CUL4A: variants seen among roughly 807,000 people sequenced by gnomAD.
The protein encoded by CUL4A is cullin 4A.
CUL4A carries 16 observed loss-of-function variants against 95.5 expected under a neutral mutation model. The ratio of observed to expected loss-of-function variants is 0.17; its 90% CI spans 0.11 to 0.25. The LOEUF is 0.25. Among genes scored for constraint, CUL4A ranks in the 10% least tolerant of loss-of-function variants. The probability of loss-of-function intolerance (pLI) is 1.00; values close to 1 mark genes in which losing one functional copy is unlikely to be tolerated. For missense variants in CUL4A, 610 were observed against 937.0 expected, an observed-to-expected ratio of 0.65 and a Z score of 4.56; for synonymous variants, 380 against 353.1, an observed-to-expected ratio of 1.08 and a Z score of -0.85.
At position 113,260,211 on chromosome 13, in the gene CUL4A, A is replaced by AAAAAAAAAAAAAACAAAAC. The variant is rs1197388632; in HGVS notation, c.2032-388_2032-387insAAAAACAAAACAAAAAAAA. On this transcript the variant is annotated intron_variant, in intron 18 of 19. Coordinates refer to ENST00000375440, the MANE Select transcript of CUL4A (RefSeq NM_001008895.4). ...AGAGTGAGACTCCGTCTCAAAAAAAAAAAAAAAACCATTTCCCATCAAATT... is the reference window on the plus strand; with the variant it reads ...AGAGTGAGACTCCGTCTCAAAAAAAAAAAAAAAAAAAAACAAAACAAAAAAAACCATTTCCCATCAAATT... Among the ~76,000 whole-genome samples the AAAAAAAAAAAAAACAAAAC allele has an allele frequency of 3.3e-3, 400 of 119,520 alleles. 35 individuals are homozygous for AAAAAAAAAAAAAACAAAAC. The highest frequency in any genetic ancestry group is 0.014 in the African/African-American group (394 of 27,708). The allele number at this position is 119,520 out of a possible 152,430, so 78.4% of individuals were successfully genotyped here.
chr13:113,258,617 C>T (rs2042193595), intron 18 of CUL4A, among the ~76,000 whole-genome samples: 1 of 152,188 alleles, frequency 6.6e-6, no homozygotes, highest in South Asian at 2.1e-4. Flanking sequence ...CTGTGAAGCA[C>T]TGAGAATTCA....
chr13:113,239,332 A>G, intron 9 of CUL4A, 101 bp from the exon 10 acceptor site: 1 of 996,944 alleles, frequency 1.0e-6, no homozygotes, highest in Non-Finnish European at 1.6e-6. Flanking sequence ...CCCAATTTCT[A>G]AGCGGTGTAT....
intron 18 of CUL4A, among the ~76,000 whole-genome samples, chr13:113,256,650 T>C (rs1460411218): frequency 6.6e-6 from 1 of 152,180 alleles, no homozygotes; most frequent in Non-Finnish European, 1.5e-5. Flanking sequence ...ACAAATTATA[T>C]AATCTTTCTA....
intron 15 of CUL4A, among the ~76,000 whole-genome samples, chr13:113,248,247 AT>A (rs577695420): frequency 6.6e-6 from 1 of 151,862 alleles, no homozygotes; most frequent in East Asian, 1.9e-4. Context: ...GTGAATGGGG[AT>A]TTTTTTCCAG....
At chr13:113,215,463 C>CCTATGGAGGTCGCTATGTGA (rs1181647695) in intron 2 of CUL4A, among the ~76,000 whole-genome samples, 1 of 116,974 alleles carries the variant, frequency 8.5e-6, no homozygotes, top group Non-Finnish European at 1.7e-5. Flanking sequence ...TTACTGTGTG[C>CCTATGGAGGTCGCTATGTGA]CTATGGAGGT....
intron 8 of CUL4A, among the ~76,000 whole-genome samples, chr13:113,235,771 C>T (rs1254073009): frequency 6.6e-6 from 1 of 151,974 alleles, no homozygotes; most frequent in Non-Finnish European, 1.5e-5. Flanking sequence ...GAGATCGAGA[C>T]CATCCTGACC....
chr13:113,231,548 CA>C (rs2041310091), intron 5 of CUL4A, among the ~76,000 whole-genome samples: 2 of 152,162 alleles, frequency 1.3e-5, no homozygotes, highest in African/African-American at 4.8e-5. Flanking sequence ...GAGAGTCACA[CA>C]AGTGGAGACC....
At chr13:113,208,731 C>T (rs1234989419), upstream of CUL4A, 5 of 1,490,518 alleles carry the variant, frequency 3.4e-6, no homozygotes, top group African/African-American at 2.9e-5. Flanking sequence ...CTGGCGCCCC[C>T]GGCCCCGCCG....
chr13:113,251,180 G>GA (rs910604021), intron 15 of CUL4A, among the ~76,000 whole-genome samples: 1 of 152,206 alleles, frequency 6.6e-6, no homozygotes, highest in African/African-American at 2.4e-5. Context: ...GATGCTGGTA[G>GA]AGCTAAGAGG....
At chr13:113,261,929 C>T (rs933303450) in intron 19 of CUL4A, among the ~76,000 whole-genome samples, 15 of 152,094 alleles carry the variant, frequency 9.9e-5, no homozygotes, top group Admixed American at 5.2e-4. Context: ...TACAGGCACG[C>T]GCCACCACAC....
At chr13:113,208,296 G>A, upstream of CUL4A, 1 of 1,431,620 alleles carries the variant, frequency 7.0e-7, no homozygotes, top group Non-Finnish European at 9.1e-7. Flanking sequence ...CTGGGAGCGC[G>A]GCCACACGTG....
intron 11 of CUL4A, among the ~76,000 whole-genome samples, chr13:113,243,970 A>C (rs931056593): frequency 3.9e-5 from 6 of 152,204 alleles, no homozygotes; most frequent in Admixed American, 2.0e-4. Context: ...AGAAACAGGA[A>C]GCCCGAGTAG....
intron 9 of CUL4A, among the ~76,000 whole-genome samples, chr13:113,238,155 G>C (rs532179278): frequency 6.6e-6 from 1 of 152,116 alleles, no homozygotes; most frequent in Non-Finnish European, 1.5e-5. Context: ...AAGAAAAAAG[G>C]CCAGGCATAG....
chr13:113,247,343 C>G (rs950418265), intron 15 of CUL4A, among the ~76,000 whole-genome samples: 33 of 152,276 alleles, frequency 2.2e-4, no homozygotes, highest in African/African-American at 7.0e-4. Context: ...AGCGGGGAAA[C>G]CAGTAAGGCC....
chr13:113,245,756 T>G (rs529116448), intron 14 of CUL4A, among the ~76,000 whole-genome samples, 200 bp from the exon 15 acceptor site: 3 of 152,168 alleles, frequency 2.0e-5, no homozygotes, highest in African/African-American at 7.2e-5. Flanking sequence ...TTTATTTCAG[T>G]GAGTCTGGTG....
chr13:113,239,881 A>G (rs2041656736), intron 10 of CUL4A, among the ~76,000 whole-genome samples: 1 of 152,220 alleles, frequency 6.6e-6, no homozygotes, highest in African/African-American at 2.4e-5. Context: ...ATTTTTGTAA[A>G]TCTGCTTGTC....
At position 113,233,929 on chromosome 13, in the gene CUL4A, G is replaced by A; in HGVS notation, c.708G>A (p.Leu236=). The A allele has an allele frequency of 6.2e-7, 1 of 1,609,854 alleles. No individual in the cohort carries two copies. The highest frequency in any genetic ancestry group is 8.5e-7 in the Non-Finnish European group (1 of 1,176,602). The change falls in exon 7 of 20, where the codon TTG becomes TTA. Residue 236 remains leucine (L), a synonymous_variant. Coordinates refer to ENST00000375440, the MANE Select transcript of CUL4A (RefSeq NM_001008895.4). Reference sequence around the variant, plus strand: ...AAGATTCATTTGAACTGAAATTTTTGGAAGAGACTAATTGCTTATATGCTG... The same window carrying A: ...AAGATTCATTTGAACTGAAATTTTTAGAAGAGACTAATTGCTTATATGCTG... The part of the protein sequence containing the change: ...VYKDSFELKF[L]EETNCLYAAE...
intron 3 of CUL4A, among the ~76,000 whole-genome samples, chr13:113,222,456 G>C (rs1262100153): frequency 6.6e-6 from 1 of 152,150 alleles, no homozygotes; most frequent in Non-Finnish European, 1.5e-5. Context: ...GGCGGGGAGG[G>C]TCTGTCGTGG....
chr13:113,244,218 A>G, intron 11 of CUL4A, 192 bp from the exon 12 acceptor site: 1 of 546,386 alleles, frequency 1.8e-6, no homozygotes, highest in African/African-American at 1.9e-5. Flanking sequence ...TCCTGGCTTC[A>G]TTAAAATTTT....
Sources: gnomAD v4.1 joint callset for allele counts (sites outside exome capture counted in the v4.1 genomes callset) on GRCh38, gnomAD v4.1.1 for gene constraint, MANE v1.5 for transcripts, NCBI Gene and HGNC (gene_info 2026-07-23, HGNC 2026-07-21) for gene names.